NBEA: variants seen among roughly 807,000 people sequenced by gnomAD.
NBEA encodes lysosomal-trafficking regulator 2.
NBEA carries 44 observed loss-of-function variants against 343.4 expected under a neutral mutation model. That is an observed-to-expected ratio of 0.13 (90% CI 0.10 to 0.16). The LOEUF is 0.16. NBEA is among the 10% of genes least tolerant of loss of function. The pLI is 1.00. For missense variants in NBEA, 2,555 were observed against 3,631.3 expected, an observed-to-expected ratio of 0.70 and a Z score of 7.62; for synonymous variants, 1,175 against 1,238.7, an observed-to-expected ratio of 0.95 and a Z score of 1.08.
chr13:35,493,062 A>G (rs1458184565), intron 41 of NBEA, among the ~76,000 whole-genome samples: 1 of 152,020 alleles, frequency 6.6e-6, no homozygotes, highest in East Asian at 1.9e-4. Flanking sequence ...GGTACAGAAT[A>G]GATTGTCTAT....
chr13:35,311,418 G>C (rs2037358559), intron 36 of NBEA, among the ~76,000 whole-genome samples: 1 of 151,932 alleles, frequency 6.6e-6, no homozygotes, highest in Admixed American at 6.6e-5. Context: ...AATAGGCTTA[G>C]AAAAGGAAGG....
chr13:34,959,962 C>T (rs910291509), intron 1 of NBEA, among the ~76,000 whole-genome samples: 1 of 151,970 alleles, frequency 6.6e-6, no homozygotes, highest in Non-Finnish European at 1.5e-5. Context: ...CTATACTGTA[C>T]TTTTTATCAT....
intron 11 of NBEA, among the ~76,000 whole-genome samples, chr13:35,105,354 A>G (rs2065866016): frequency 6.6e-6 from 1 of 152,062 alleles, no homozygotes; most frequent in Non-Finnish European, 1.5e-5. Flanking sequence ...AAAAGCAGCA[A>G]ACAGTAAGTT....
intron 41 of NBEA, among the ~76,000 whole-genome samples, chr13:35,533,586 G>T (rs1046868403): frequency 6.6e-6 from 1 of 151,896 alleles, no homozygotes; most frequent in African/African-American, 2.4e-5. Flanking sequence ...GAATTTTTCT[G>T]CTCTAGCATA....
Position 35,449,304 on chromosome 13 carries a change from C to T in NBEA, c.6305-2788C>T, listed in dbSNP as rs545632835. Among the ~76,000 whole-genome samples the T allele has an allele frequency of 4.6e-5, 7 of 152,246 alleles. No individual in the cohort carries two copies. The South Asian group carries it at 1.0e-3, about 23-fold the overall frequency. On this transcript the variant is annotated intron_variant, in intron 39 of 58. Transcript: ENST00000379939. ...ATCACTCTGACAAAAGTATGGAAGG[C>T]GGTGTGAGTCAGGCAGCTGTTGACA...
At chr13:35,640,271 G>C (rs1219147308) in intron 49 of NBEA, among the ~76,000 whole-genome samples, 2 of 152,184 alleles carry the variant, frequency 1.3e-5, no homozygotes, top group Non-Finnish European at 2.9e-5. Context: ...TGGAAGGAAA[G>C]CCAAAAAGGA....
At chr13:35,052,966 A>G (rs2063118312) in intron 6 of NBEA, among the ~76,000 whole-genome samples, 1 of 151,992 alleles carries the variant, frequency 6.6e-6, no homozygotes, top group African/African-American at 2.4e-5. Flanking sequence ...CTCCCATCTT[A>G]GACTCCCCTT....
At chr13:35,158,951 A>T in intron 21 of NBEA, 65 bp from the exon 22 acceptor site, 1 of 1,313,528 alleles carries the variant, frequency 7.6e-7, no homozygotes, top group South Asian at 1.6e-5. Flanking sequence ...TTTAATTTGT[A>T]TTATTTAGTT....
At chr13:34,992,779 T>C (rs569884988) in intron 1 of NBEA, among the ~76,000 whole-genome samples, 1 of 151,118 alleles carries the variant, frequency 6.6e-6, no homozygotes, top group South Asian at 2.1e-4. Context: ...TTCACACCAT[T>C]CTCCTGCCTC....
At chr13:35,179,817 CTGAT>C in intron 28 of NBEA, 7 of 983,122 alleles carry the variant, frequency 7.1e-6, no homozygotes, top group South Asian at 4.7e-5. Context: ...TTTTCTTAAT[CTGAT>C]TGTGCTTCAT....
intron 38 of NBEA, among the ~76,000 whole-genome samples, chr13:35,371,233 C>T (rs527686332): frequency 8.8e-4 from 134 of 152,118 alleles, no homozygotes; most frequent in African/African-American, 3.0e-3. Context: ...CTGTCATCTT[C>T]AGTGACACTA....
At chr13:35,328,489 T>C (rs991445017) in intron 36 of NBEA, among the ~76,000 whole-genome samples, 1 of 151,900 alleles carries the variant, frequency 6.6e-6, no homozygotes, top group African/African-American at 2.4e-5. Flanking sequence ...TTGAAATAAC[T>C]AAAGGAGTAT....
chr13:34,995,382 C>T (rs532145988), intron 1 of NBEA, among the ~76,000 whole-genome samples: 1 of 150,226 alleles, frequency 6.7e-6, no homozygotes, highest in Non-Finnish European at 1.5e-5. Context: ...GATTGTGCCA[C>T]TGCACTCCAG....
chr13:35,233,608 T>C (rs1031262896), intron 34 of NBEA, among the ~76,000 whole-genome samples: 3 of 152,162 alleles, frequency 2.0e-5, no homozygotes, highest in African/African-American at 7.2e-5. Flanking sequence ...TTGAAGCTCT[T>C]AGAATATTGT....
At chr13:35,481,356 A>C (rs2076114846) in intron 41 of NBEA, among the ~76,000 whole-genome samples, 1 of 151,934 alleles carries the variant, frequency 6.6e-6, no homozygotes, top group African/African-American at 2.4e-5. Flanking sequence ...GTAGAAAAAG[A>C]AATTTAAAGC....
chr13:35,093,456 G>A (rs546659010), intron 10 of NBEA, among the ~76,000 whole-genome samples: 1 of 152,072 alleles, frequency 6.6e-6, no homozygotes, highest in African/African-American at 2.4e-5. Context: ...CTGTTTATCT[G>A]TTTATTTTCT....
chr13:35,281,705 T>C (rs2035064345), intron 34 of NBEA, among the ~76,000 whole-genome samples: 1 of 152,166 alleles, frequency 6.6e-6, no homozygotes, highest in East Asian at 1.9e-4. Flanking sequence ...AGTGCTTTTT[T>C]GAATACAAAA....
At chr13:35,047,258 C>A (rs530940351) in intron 4 of NBEA, among the ~76,000 whole-genome samples, 1 of 150,668 alleles carries the variant, frequency 6.6e-6, no homozygotes, top group East Asian at 1.9e-4. Context: ...ACTTAGAAAT[C>A]TTTGACTACT....
chr13:35,214,777 C>A (rs1298229428), intron 33 of NBEA, among the ~76,000 whole-genome samples: 1 of 151,766 alleles, frequency 6.6e-6, no homozygotes, highest in Non-Finnish European at 1.5e-5. Flanking sequence ...ACCACAAAGT[C>A]ATGTAGATAT....
Sources: allele counts gnomAD v4.1 joint callset (sites outside exome capture counted in the v4.1 genomes callset), GRCh38; gene constraint gnomAD v4.1.1; transcripts MANE v1.5; gene names NCBI Gene and HGNC (gene_info 2026-07-23, HGNC 2026-07-21).